The following LYN variants were observed in gnomAD, a reference collection of about 807,000 sequenced individuals.
LYN encodes tyrosine-protein kinase Lyn.
Under a neutral mutation model 65.0 loss-of-function variants are expected in LYN, and 12 were observed. That is an observed-to-expected ratio of 0.18 (90% CI 0.12 to 0.30). The LOEUF (loss-of-function observed/expected upper bound fraction) is 0.30. LYN is among the 10% of genes least tolerant of loss of function. The pLI is 1.00. For missense variants in LYN, 380 were observed against 623.2 expected, an observed-to-expected ratio of 0.61 and a Z score of 4.16; for synonymous variants, 222 against 221.2, an observed-to-expected ratio of 1.00 and a Z score of -0.03.
intron 10 of LYN, among the ~76,000 whole-genome samples, chr8:55,988,886 A>G (rs879470448): frequency 6.6e-6 from 1 of 152,070 alleles, no homozygotes; most frequent in African/African-American, 2.4e-5. Context: ...AAGTGAAAAA[A>G]AAAAACCCAA....
At chr8:55,939,914 T>TC (rs1196623128) in intron 1 of LYN, among the ~76,000 whole-genome samples, 1 of 152,156 alleles carries the variant, frequency 6.6e-6, no homozygotes, top group Non-Finnish European at 1.5e-5. Flanking sequence ...AGTACTTGCT[T>TC]CCCCTTTATT....
intron 8 of LYN, among the ~76,000 whole-genome samples, chr8:55,963,302 G>T (rs1219244664): frequency 6.6e-6 from 1 of 152,182 alleles, no homozygotes; most frequent in African/African-American, 2.4e-5. Context: ...ATTTTGCAAA[G>T]TGCTGGTCCC....
At chr8:55,990,695 A>G (rs147238869) in intron 10 of LYN, among the ~76,000 whole-genome samples, 4 of 152,246 alleles carry the variant, frequency 2.6e-5, no homozygotes, top group African/African-American at 9.6e-5. Flanking sequence ...CAGGATCTCT[A>G]TTTTAATGTG....
At chr8:55,937,178 A>G (rs530952954) in intron 1 of LYN, among the ~76,000 whole-genome samples, 1 of 152,338 alleles carries the variant, frequency 6.6e-6, no homozygotes, top group East Asian at 1.9e-4. Flanking sequence ...ATTTCTATAC[A>G]GGATCTTTTA....
intron 12 of LYN, among the ~76,000 whole-genome samples, chr8:56,004,066 G>A (rs1808607501): frequency 6.6e-6 from 1 of 150,422 alleles, no homozygotes; most frequent in Admixed American, 6.7e-5. Flanking sequence ...CCTAGTAGCT[G>A]GGATTACAGG....
intron 1 of LYN, among the ~76,000 whole-genome samples, chr8:55,911,263 A>ATATATATATACGTGTGTGTATATG (rs1563506713): frequency 1.4e-4 from 1 of 7,304 alleles, no homozygotes; most frequent in Non-Finnish European, 2.5e-4. Context: ...GTGTGTATAT[A>ATATATATATACGTGTGTGTATATG]TATATATATA....
chr8:55,892,016 G>A (rs1209443303), intron 1 of LYN, among the ~76,000 whole-genome samples: 1 of 152,248 alleles, frequency 6.6e-6, no homozygotes, highest in Non-Finnish European at 1.5e-5. Context: ...ACAAAGTAAG[G>A]AGAAACTTCT....
intron 1 of LYN, among the ~76,000 whole-genome samples, chr8:55,891,197 A>G (rs1804951739): frequency 6.6e-6 from 1 of 152,088 alleles, no homozygotes; most frequent in Non-Finnish European, 1.5e-5. Context: ...TACTAAAAAT[A>G]CAAAATTAGT....
At position 55,950,746 on chromosome 8, in the gene LYN, C is replaced by T. The variant is rs751804664; in HGVS notation, c.449C>T (p.Ala150Val). 4 of 1,613,864 alleles carry T rather than the reference C, an allele frequency of 2.5e-6. No individual in the cohort carries two copies. The highest frequency in any genetic ancestry group is 3.4e-6 in the Non-Finnish European group (4 of 1,179,798). Residue 150 changes from alanine to valine, a missense_variant, in exon 6 of 13, where the codon GCT (alanine) becomes GTT (valine). Ala to Val is a moderately conservative substitution (Grantham distance 64, BLOSUM62 0). Transcript: ENST00000519728. ...ERQLLAPGNSAGAFLIRESET... is the reference protein window; with the variant it reads ...ERQLLAPGNSVGAFLIRESET... ...CAGCTTTTGGCACCAGGAAATAGCGCTGGAGCTTTCCTTATTAGAGAAAGT... is the reference window on the plus strand; with the variant it reads ...CAGCTTTTGGCACCAGGAAATAGCGTTGGAGCTTTCCTTATTAGAGAAAGT...
At chr8:55,956,924 G>C (rs1396564238) in intron 8 of LYN, among the ~76,000 whole-genome samples, 2 of 152,198 alleles carry the variant, frequency 1.3e-5, no homozygotes, top group Non-Finnish European at 2.9e-5. Flanking sequence ...GGCTCTACGG[G>C]CCCTGCTCTA....
chr8:55,908,222 CATTT>C lies in LYN; in HGVS notation c.-6+28156_-6+28159del, dbSNP rs60930363. On this transcript the variant is annotated intron_variant, in intron 1 of 12. Coordinates refer to ENST00000519728, the MANE Select transcript of LYN (RefSeq NM_002350.4). ...TCCCAGACAGCTAAGCTGTTTAAAC[CATTT>C]ATTTATTTATTTATTTATTTATTTA... Among the ~76,000 whole-genome samples the C allele has an allele frequency of 5.7e-3, 815 of 143,034 alleles. 7 individuals carry two copies. The highest frequency in any genetic ancestry group is 0.012 in the South Asian group (53 of 4,326). The allele number at this position is 143,034 out of a possible 152,430, so 93.8% of individuals were successfully genotyped here. A position where few individuals can be genotyped will look rare whatever the true frequency, so the allele number is the denominator to read the frequency against.
chr8:55,953,994 C>T lies in LYN; in HGVS notation c.790+10C>T, dbSNP rs200252698. 1.9e-5 allele frequency: 31 copies of T among 1,612,728 alleles called. No homozygotes were observed. The highest frequency in any genetic ancestry group is 1.3e-4 in the East Asian group (6 of 44,872). ...GGGGAAGTCTGGATGGGTAAGTGTGCGGCTCGGGGATCTATGTCCTTCTAG... is the reference window on the plus strand; with the variant it reads ...GGGGAAGTCTGGATGGGTAAGTGTGTGGCTCGGGGATCTATGTCCTTCTAG... On this transcript the variant is annotated intron_variant, in intron 8 of 12. Transcript: ENST00000519728.
At chr8:55,947,474 C>A in intron 3 of LYN, 144 bp from the exon 4 acceptor site, 1 of 651,586 alleles carries the variant, frequency 1.5e-6, no homozygotes. Flanking sequence ...CCGTGCAGAC[C>A]CTGAGCCCAC....
chr8:55,932,932 G>A (rs1345915989), intron 1 of LYN, among the ~76,000 whole-genome samples: 1 of 152,148 alleles, frequency 6.6e-6, no homozygotes, highest in East Asian at 1.9e-4. Context: ...TGGATGTAAA[G>A]ATAGGAGCAA....
intron 1 of LYN, among the ~76,000 whole-genome samples, chr8:55,890,882 C>A (rs1804939982): frequency 6.6e-6 from 1 of 151,852 alleles, no homozygotes; most frequent in South Asian, 2.1e-4. Context: ...TGCATGCCAC[C>A]ATGCCTGGCT....
intron 1 of LYN, among the ~76,000 whole-genome samples, chr8:55,935,050 C>T (rs936872256): frequency 6.6e-6 from 1 of 152,112 alleles, no homozygotes; most frequent in Non-Finnish European, 1.5e-5. Flanking sequence ...GGGCCATGGT[C>T]ATAGCCTAGA....
intron 1 of LYN, among the ~76,000 whole-genome samples, chr8:55,890,405 G>C (rs1327390983): frequency 6.6e-6 from 1 of 152,096 alleles, no homozygotes; most frequent in Non-Finnish European, 1.5e-5. Flanking sequence ...TGTTAAAAAA[G>C]AACACAACAA....
chr8:55,943,525 G>A (rs1000501834), intron 2 of LYN, among the ~76,000 whole-genome samples: 4 of 145,080 alleles, frequency 2.8e-5, no homozygotes, highest in African/African-American at 1.0e-4. Context: ...GCAGTGAGCC[G>A]AGATTGCGCT....
At chr8:55,924,473 C>T (rs1806041915) in intron 1 of LYN, among the ~76,000 whole-genome samples, 1 of 151,944 alleles carries the variant, frequency 6.6e-6, no homozygotes, top group Admixed American at 6.6e-5. Flanking sequence ...AGTAATTCTC[C>T]TGCCTCAGCC....
Sources: allele counts gnomAD v4.1 joint callset (sites outside exome capture counted in the v4.1 genomes callset), GRCh38; gene constraint gnomAD v4.1.1; transcripts MANE v1.5; gene names NCBI Gene and HGNC (gene_info 2026-07-23, HGNC 2026-07-21).